The following ORAI3 variants were observed in gnomAD, a reference collection of about 807,000 sequenced individuals.
The protein encoded by ORAI3 is ORAI calcium release-activated calcium modulator 3.
Under a neutral mutation model 17.2 loss-of-function variants are expected in ORAI3, and 15 were observed. That is an observed-to-expected ratio of 0.87 (90% CI 0.58 to 1.34). The LOEUF is 1.34. Among genes scored for constraint, ORAI3 ranks in the 40% most tolerant of loss-of-function variants. The pLI, the probability that ORAI3 is intolerant of heterozygous loss-of-function variation, is 0.00. For missense variants in ORAI3, 405 were observed against 396.7 expected, an observed-to-expected ratio of 1.02 and a Z score of -0.18; for synonymous variants, 178 against 172.4, an observed-to-expected ratio of 1.03 and a Z score of -0.25.
chr16:30,953,905 G>T lies in ORAI3; in HGVS notation c.*61G>T, dbSNP rs923683201. The T allele has an allele frequency of 1.9e-5, 29 of 1,530,818 alleles. No homozygotes were observed. The highest frequency in any genetic ancestry group is 2.5e-5 in the Non-Finnish European group (28 of 1,132,114). 94.8% of individuals were successfully genotyped at this position (1,530,818 alleles called of 1,614,324 possible). A position where few individuals can be genotyped will look rare whatever the true frequency, so the allele number is the denominator to read the frequency against. The stretch of plus-strand genomic sequence containing the variant: ...CTCCCTCCGGGGTCTGTAAGAGGCC[G>T]CAGGGGCCTACAGACCTCATCCCCC... On this transcript the variant is annotated 3_prime_UTR_variant, in exon 2 of 2. Transcript: ENST00000318663.
chr16:30,953,374 C>T lies in ORAI3; in HGVS notation c.418C>T (p.His140Tyr). 6.2e-7 allele frequency: 1 copy of T among 1,614,232 alleles called. No homozygotes were observed. Among genetic ancestry groups the T allele is most frequent in the Non-Finnish European group, 8.5e-7 (1 of 1,180,026 alleles). Residue 140 changes from histidine to tyrosine, a missense_variant, in exon 2 of 2, where the codon CAC becomes TAC. By Grantham distance (83) the His-to-Tyr change is moderately conservative (BLOSUM62 2). Coordinates refer to ENST00000318663, the MANE Select transcript of ORAI3 (RefSeq NM_152288.3). ...HNLNSVHQSP[H>Y]QRLHRYVELA... ...CCTCAACTCTGTCCACCAGTCGCCA[C>T]ACCAGAGACTGCACCGCTACGTGGA...
chr16:30,949,379 C>T lies in ORAI3; in HGVS notation c.90C>T (p.Phe30=), dbSNP rs766443468. Residue 30 remains phenylalanine (F), a synonymous_variant, in exon 1 of 2, where the codon TTC becomes TTT. Transcript: ENST00000318663. ...SPAGSATYRE[F]VHRGYLDLMG... Reference sequence around the variant, plus strand: ...CAGGCTCGGCCACGTACCGGGAGTTCGTGCACCGCGGCTACCTGGACCTCA... The same window carrying T: ...CAGGCTCGGCCACGTACCGGGAGTTTGTGCACCGCGGCTACCTGGACCTCA... 12 of 1,578,546 alleles carry T rather than the reference C, an allele frequency of 7.6e-6. No homozygotes were observed. The highest frequency in any genetic ancestry group is 9.4e-6 in the Non-Finnish European group (11 of 1,164,350).
Position 30,953,569 on chromosome 16 carries a change from A to G in ORAI3, c.613A>G (p.Ser205Gly). The G allele has an allele frequency of 6.2e-7, 1 of 1,614,094 alleles. No homozygotes were observed. The highest frequency in any genetic ancestry group is 1.3e-5 in the African/African-American group (1 of 75,026). The change falls in exon 2 of 2, where the codon AGT becomes GGT. Residue 205 changes from serine (S) to glycine (G), a missense_variant. Ser to Gly is a moderately conservative substitution (Grantham distance 56, BLOSUM62 0). Coordinates refer to ENST00000318663, the MANE Select transcript of ORAI3 (RefSeq NM_152288.3). ...GTLAPVATSL[S>G]PASNLPRSSA... The stretch of plus-strand genomic sequence containing the variant: ...TCTGGCACCAGTGGCTACCTCCCTT[A>G]GTCCAGCTTCCAATCTCCCACGGTC...
chr16:30,949,691 G>GTA (rs1198612280), intron 1 of ORAI3, 174 bp downstream of exon 1: 4 of 608,680 alleles, frequency 6.6e-6, no homozygotes, highest in Admixed American at 6.5e-5. Flanking sequence ...GGATGTGTGT[G>GTA]TACAGGGGAC....
chr16:30,954,214 C>A lies in ORAI3; in HGVS notation c.*370C>A. On this transcript the variant is annotated 3_prime_UTR_variant, in exon 2 of 2. Coordinates refer to ENST00000318663, the MANE Select transcript of ORAI3 (RefSeq NM_152288.3). ...CAGGATGTGAAGGTCAGAAGGCAGC[C>A]AATTGTTGGTTTAATTTTTTTTTTT... is the stretch of plus-strand genomic sequence containing the variant. 1 of 659,170 alleles carries A rather than the reference C, an allele frequency of 1.5e-6. No individual in the cohort carries two copies. The allele number at this position is 659,170 out of a possible 1,614,324, so 40.8% of individuals were successfully genotyped here.
At chr16:30,949,579 G>C in intron 1 of ORAI3, 62 bp downstream of exon 1, 9 of 756,812 alleles carry the variant, frequency 1.2e-5, no homozygotes, top group East Asian at 5.2e-5. Flanking sequence ...CAGGTCGGGG[G>C]GGGGGCGAAG....
Position 30,953,265 on chromosome 16 carries a change from C to T in ORAI3, c.309C>T (p.Thr103=), listed in dbSNP as rs767067269. ...GLLVAFSACT[T]VLVAVHLFAL... ...TGGTGGCCTTCAGTGCCTGCACCAC[C>T]GTGCTGGTGGCTGTGCACCTCTTTG... Residue 103 remains threonine (T), a synonymous_variant, in exon 2 of 2, where the codon ACC becomes ACT. Transcript: ENST00000318663. 44 of 1,612,974 alleles carry T rather than the reference C, an allele frequency of 2.7e-5. No individual in the cohort carries two copies. The highest frequency in any genetic ancestry group is 9.9e-5 in the South Asian group (9 of 90,922).
intron 1 of ORAI3, 62 bp downstream of exon 1, chr16:30,949,579 G>T (rs111398146): frequency 4.0e-6 from 3 of 756,696 alleles, no homozygotes; most frequent in Non-Finnish European, 5.8e-6. Context: ...CAGGTCGGGG[G>T]GGGGGCGAAG....
rs1362673423 is a variant in ORAI3 at position 30,953,147 on chromosome 16, T to C, written c.229-38T>C. The stretch of plus-strand genomic sequence containing the variant: ...GCGGAAAAAATCTCTACAGTTGAGG[T>C]TATGGGGAGATCAGTACATCCCCTC... On this transcript the variant is annotated intron_variant, in intron 1 of 1. Transcript: ENST00000318663. The C allele has an allele frequency of 2.6e-6, 4 of 1,536,582 alleles. No homozygotes were observed. In the African/African-American group the frequency reaches 5.5e-5, roughly 21 times the overall value.
chr16:30,954,504 G>T lies in ORAI3; in HGVS notation c.*660G>T, dbSNP rs2055942354. 2 of 194,478 alleles carry T rather than the reference G, an allele frequency of 1.0e-5. No homozygotes were observed. Among genetic ancestry groups the T allele is most frequent in the Non-Finnish European group, 2.1e-5 (2 of 94,384 alleles). 12.0% of individuals were successfully genotyped at this position (194,478 alleles called of 1,614,324 possible). A position where few individuals can be genotyped will look rare whatever the true frequency, so the allele number is the denominator to read the frequency against. ...TGCTGGGATTCCTTTCTTTATTTCTGTAGAATCTATTTTATGGTTGGCATT... is the reference window on the plus strand; with the variant it reads ...TGCTGGGATTCCTTTCTTTATTTCTTTAGAATCTATTTTATGGTTGGCATT... On this transcript the variant is annotated 3_prime_UTR_variant, in exon 2 of 2. Coordinates refer to ENST00000318663, the MANE Select transcript of ORAI3 (RefSeq NM_152288.3).
Position 30,949,504 on chromosome 16 carries a change from C to G in ORAI3, c.215C>G (p.Ser72Trp). 1 of 1,565,744 alleles carries G rather than the reference C, an allele frequency of 6.4e-7. No homozygotes were observed. The highest frequency in any genetic ancestry group is 8.6e-7 in the Non-Finnish European group (1 of 1,160,012). ...TCCAGCCGCACGTCTGCCTTGCTCTCGGGCTTCGCCATGGTGAGGGGCCGG... is the reference window on the plus strand; with the variant it reads ...TCCAGCCGCACGTCTGCCTTGCTCTGGGGCTTCGCCATGGTGAGGGGCCGG... ...KASSRTSALL[S>W]GFAMVAMVEV... The change falls in exon 1 of 2, where the codon TCG (serine) becomes TGG (tryptophan). Residue 72 changes from serine (S) to tryptophan (W), a missense_variant. By Grantham distance (177) the Ser-to-Trp change is radical (BLOSUM62 -3). Coordinates refer to ENST00000318663, the MANE Select transcript of ORAI3 (RefSeq NM_152288.3).
chr16:30,953,916 C>A lies in ORAI3; in HGVS notation c.*72C>A. 1.3e-6 allele frequency: 2 copies of A among 1,484,326 alleles called. No homozygotes were observed. The highest frequency in any genetic ancestry group is 1.2e-5 in the South Asian group (1 of 83,980). 91.9% of individuals were successfully genotyped at this position (1,484,326 alleles called of 1,614,324 possible). On this transcript the variant is annotated 3_prime_UTR_variant, in exon 2 of 2. Transcript: ENST00000318663. ...GTCTGTAAGAGGCCGCAGGGGCCTA[C>A]AGACCTCATCCCCCCATCCCCTGGC...
chr16:30,953,559 T>C lies in ORAI3; in HGVS notation c.603T>C (p.Ala201=). The change falls in exon 2 of 2, where the codon GCT becomes GCC. Residue 201 remains alanine (A), a synonymous_variant. Coordinates refer to ENST00000318663, the MANE Select transcript of ORAI3 (RefSeq NM_152288.3). ...TGCCCGGGACTCTGGCACCAGTGGC[T>C]ACCTCCCTTAGTCCAGCTTCCAATC... ...SRVPGTLAPV[A]TSLSPASNLP... is the part of the protein sequence containing the mutation. 1 of 1,614,198 alleles carries C rather than the reference T, an allele frequency of 6.2e-7. No individual in the cohort carries two copies. The highest frequency in any genetic ancestry group is 1.3e-5 in the African/African-American group (1 of 75,066).
At chr16:30,949,848 T>G in intron 1 of ORAI3, 3 of 215,534 alleles carry the variant, frequency 1.4e-5, no homozygotes, top group Non-Finnish European at 1.9e-5. Flanking sequence ...GGTTCCTAAG[T>G]CCCAGTGCCA....
In ORAI3 at chr16:30,949,374, G is replaced by C; in HGVS notation, c.85G>C (p.Glu29Gln). Residue 29 changes from glutamate (E) to glutamine (Q), a missense_variant, in exon 1 of 2, where the codon GAG becomes CAG. By Grantham distance (29) the Glu-to-Gln change is conservative (BLOSUM62 2). Transcript: ENST00000318663. ...ESPAGSATYREFVHRGYLDLM... is the reference protein window; with the variant it reads ...ESPAGSATYRQFVHRGYLDLM... ...CCCTGCAGGCTCGGCCACGTACCGG[G>C]AGTTCGTGCACCGCGGCTACCTGGA... The C allele has an allele frequency of 1.3e-6, 2 of 1,574,986 alleles. No homozygotes were observed. The highest frequency in any genetic ancestry group is 1.7e-6 in the Non-Finnish European group (2 of 1,162,556).
In ORAI3 at chr16:30,953,759, G is replaced by T; in HGVS notation, c.803G>T (p.Arg268Leu). 2 of 1,614,022 alleles carry T rather than the reference G, an allele frequency of 1.2e-6. No individual in the cohort carries two copies. The highest frequency in any genetic ancestry group is 1.7e-5 in the Admixed American group (1 of 60,026). ...GTGGCCTTTGCCCTGCATTTCTACCGCTCCTTGGTGGCACACAAGACAGAC... is the reference window on the plus strand; with the variant it reads ...GTGGCCTTTGCCCTGCATTTCTACCTCTCCTTGGTGGCACACAAGACAGAC... ...VFVAFALHFY[R>L]SLVAHKTDRY... Residue 268 changes from arginine to leucine, a missense_variant, in exon 2 of 2, where the codon CGC (arginine) becomes CTC (leucine). Transcript: ENST00000318663.
In ORAI3 at chr16:30,953,678, G is replaced by T; in HGVS notation, c.722G>T (p.Gly241Val). 1 of 1,614,068 alleles carries T rather than the reference G, an allele frequency of 6.2e-7. No homozygotes were observed. The highest frequency in any genetic ancestry group is 8.5e-7 in the Non-Finnish European group (1 of 1,180,034). The change falls in exon 2 of 2, where the codon GGC (glycine) becomes GTC (valine). Residue 241 changes from glycine to valine, a missense_variant. By Grantham distance (109) the Gly-to-Val change is moderately radical. Coordinates refer to ENST00000318663, the MANE Select transcript of ORAI3 (RefSeq NM_152288.3). Reference protein sequence around the residue: ...ACGGGGAHGPGWQAAMASTAI... With the variant: ...ACGGGGAHGPVWQAAMASTAI... ...GGTGGTGGTGGGGCCCATGGGCCAG[G>T]CTGGCAAGCAGCCATGGCCTCCACA...
chr16:30,949,489 C>T lies in ORAI3; in HGVS notation c.200C>T (p.Thr67Met), dbSNP rs369806611. ...GCCAAGCTCAAAGCTTCCAGCCGCA[C>T]GTCTGCCTTGCTCTCGGGCTTCGCC... Reference protein sequence around the residue: ...SRAKLKASSRTSALLSGFAMV... With the variant: ...SRAKLKASSRMSALLSGFAMV... The change falls in exon 1 of 2, where the codon ACG becomes ATG. Residue 67 changes from threonine to methionine, a missense_variant. Coordinates refer to ENST00000318663, the MANE Select transcript of ORAI3 (RefSeq NM_152288.3). 5.0e-6 allele frequency: 8 copies of T among 1,601,920 alleles called. No homozygotes were observed. The East Asian group carries it at 6.8e-5, about 14-fold the overall frequency.
Position 30,953,233 on chromosome 16 carries a change from G to T in ORAI3, c.277G>T (p.Gly93Cys). The change falls in exon 2 of 2, where the codon GGC (glycine) becomes TGC (cysteine). Residue 93 changes from glycine (G) to cysteine (C), a missense_variant. Transcript: ENST00000318663. The part of the protein sequence containing the change: ...QLESDHEYPP[G>C]LLVAFSACTT... ...GGAGAGTGACCACGAGTACCCACCAGGCCTGCTGGTGGCCTTCAGTGCCTG... is the reference window on the plus strand; with the variant it reads ...GGAGAGTGACCACGAGTACCCACCATGCCTGCTGGTGGCCTTCAGTGCCTG... The T allele has an allele frequency of 6.2e-7, 1 of 1,603,324 alleles. No homozygotes were observed. Among genetic ancestry groups the T allele is most frequent in the African/African-American group, 1.3e-5 (1 of 74,944 alleles).
Sources: allele counts gnomAD v4.1 joint callset, GRCh38; gene constraint gnomAD v4.1.1; transcripts MANE v1.5; gene names NCBI Gene and HGNC (gene_info 2026-07-23, HGNC 2026-07-21).